Variants in MSL2 observed in about 807,000 individuals in gnomAD.
MSL2 encodes the protein E3 ubiquitin-protein ligase MSL2.
In MSL2, 2 loss-of-function variants were observed where a neutral mutation model predicts 35.8. That is an observed-to-expected ratio of 0.06 (90% confidence interval 0.02 to 0.18). The LOEUF is 0.18. Among genes scored for constraint, MSL2 ranks in the 10% least tolerant of loss-of-function variants. The pLI is 1.00. For synonymous variants in MSL2, 296 were observed against 255.7 expected, an observed-to-expected ratio of 1.16 and a Z score of -1.50; for missense variants, 523 against 706.7, an observed-to-expected ratio of 0.74 and a Z score of 2.95.
chr3:136,154,161 C>T lies in MSL2; in HGVS notation c.143-1423G>A, dbSNP rs373673018. ...CATTAAAACAAAGAAAAAAGGAGTA[C>T]TACTCAACTCAAATTCTTCTAGAAA... is the stretch of plus-strand genomic sequence containing the variant. On this transcript the variant is annotated intron_variant, in intron 1 of 1. Coordinates refer to ENST00000309993, the MANE Select transcript of MSL2 (RefSeq NM_018133.4). Among the ~76,000 whole-genome samples the T allele has an allele frequency of 3.6e-4, 53 of 149,120 alleles. No homozygotes were observed. In the East Asian group the frequency reaches 0.01, roughly 29 times the overall value.
chr3:136,172,886 G>A (rs781156400), intron 1 of MSL2, among the ~76,000 whole-genome samples: 4 of 152,116 alleles, frequency 2.6e-5, no homozygotes, highest in Non-Finnish European at 5.9e-5. Flanking sequence ...CTACGGGGCC[G>A]GGCACAGTGG....
intron 1 of MSL2, among the ~76,000 whole-genome samples, chr3:136,177,639 A>G (rs1940214463): frequency 6.7e-6 from 1 of 148,844 alleles, no homozygotes; most frequent in Non-Finnish European, 1.5e-5. Flanking sequence ...AGATCACGAC[A>G]CTGCACTCCA....
At chr3:136,189,336 G>A (rs6769762) in intron 1 of MSL2, among the ~76,000 whole-genome samples, 25,554 of 142,280 alleles carry the variant, frequency 0.18, 3,023 homozygotes, top group Non-Finnish European at 0.27. Flanking sequence ...TAAGAAAATA[G>A]ATCTGCTATC....
intron 1 of MSL2, among the ~76,000 whole-genome samples, chr3:136,177,618 G>T (rs1204730241): frequency 6.7e-6 from 1 of 148,978 alleles, no homozygotes; most frequent in African/African-American, 2.5e-5. Context: ...GGCAGAGCTC[G>T]CAGTGAGCTG....
intron 1 of MSL2, among the ~76,000 whole-genome samples, chr3:136,190,126 G>A (rs915111355): frequency 6.6e-6 from 1 of 152,100 alleles, no homozygotes; most frequent in Admixed American, 6.6e-5. Context: ...CATGAGGTCT[G>A]TTATAGCTTA....
chr3:136,155,724 C>G, intron 1 of MSL2: 1 of 501,628 alleles, frequency 2.0e-6, no homozygotes, highest in Non-Finnish European at 4.0e-6. Context: ...CCTTTTGTGC[C>G]TGCTTCCCCT....
At chr3:136,172,118 T>G (rs750904481) in intron 1 of MSL2, among the ~76,000 whole-genome samples, 3 of 152,172 alleles carry the variant, frequency 2.0e-5, no homozygotes, top group Non-Finnish European at 4.4e-5. Flanking sequence ...GCCTGTATAT[T>G]GAAATTTTCT....
In MSL2 at chr3:136,195,658, C is replaced by A; in HGVS notation, c.-545G>T. On this transcript the variant is annotated 5_prime_UTR_variant, in exon 1 of 2. Coordinates refer to ENST00000309993, the MANE Select transcript of MSL2 (RefSeq NM_018133.4). ...GGGCAGCGGCTTCCCGGATCTAGTGCAAGACGCCGCGGCGGCGACGAAGGT... is the reference window on the plus strand; with the variant it reads ...GGGCAGCGGCTTCCCGGATCTAGTGAAAGACGCCGCGGCGGCGACGAAGGT... The A allele has an allele frequency of 1.0e-6, 1 of 980,126 alleles. No individual in the cohort carries two copies. Among genetic ancestry groups the A allele is most frequent in the Non-Finnish European group, 1.2e-6 (1 of 824,974 alleles). 60.7% of individuals were successfully genotyped at this position (980,126 alleles called of 1,614,324 possible). A position where few individuals can be genotyped will look rare whatever the true frequency, so the allele number is the denominator to read the frequency against.
intron 1 of MSL2, among the ~76,000 whole-genome samples, chr3:136,187,075 C>G (rs925808924): frequency 1.2e-4 from 19 of 152,124 alleles, no homozygotes; most frequent in Non-Finnish European, 2.8e-4. Context: ...TCCACAAATG[C>G]AGAACCCACA....
At chr3:136,169,770 A>C (rs1054873813) in intron 1 of MSL2, among the ~76,000 whole-genome samples, 2 of 151,892 alleles carry the variant, frequency 1.3e-5, no homozygotes, top group Non-Finnish European at 2.9e-5. Context: ...GTTTTGAAAT[A>C]TACAATAAAT....
At position 136,195,159 on chromosome 3, in the gene MSL2, G is replaced by T; in HGVS notation, c.-46C>A. ...TGGCTCCCGGTTGAAAAGAAATTCC[G>T]GATCCAACTTAGTAAGCAGCCAGGG... On this transcript the variant is annotated 5_prime_UTR_variant, in exon 1 of 2. Coordinates refer to ENST00000309993, the MANE Select transcript of MSL2 (RefSeq NM_018133.4). The T allele has an allele frequency of 6.4e-7, 1 of 1,567,894 alleles. No individual in the cohort carries two copies. The highest frequency in any genetic ancestry group is 8.6e-7 in the Non-Finnish European group (1 of 1,158,912).
At chr3:136,161,672 A>C (rs1044710737) in intron 1 of MSL2, among the ~76,000 whole-genome samples, 1 of 152,220 alleles carries the variant, frequency 6.6e-6, no homozygotes, top group Non-Finnish European at 1.5e-5. Context: ...GCAGAAAAAC[A>C]GTGGTTGCCT....
At chr3:136,177,671 T>C (rs529236940) in intron 1 of MSL2, among the ~76,000 whole-genome samples, 8 of 120,578 alleles carry the variant, frequency 6.6e-5, no homozygotes, top group African/African-American at 2.5e-4. Context: ...AGAGCGAGAC[T>C]CCGTCTCATA....
intron 1 of MSL2, among the ~76,000 whole-genome samples, chr3:136,157,306 A>C (rs1939561550): frequency 6.7e-6 from 1 of 149,210 alleles, no homozygotes; most frequent in African/African-American, 2.4e-5. Flanking sequence ...CAGGAGTTCG[A>C]CACCAGCCTG....
chr3:136,186,177 T>C (rs546661308), intron 1 of MSL2, among the ~76,000 whole-genome samples: 32 of 152,304 alleles, frequency 2.1e-4, no homozygotes, highest in African/African-American at 6.0e-4. Context: ...AAGTGACCTT[T>C]TGACTCCTTC....
intron 1 of MSL2, among the ~76,000 whole-genome samples, chr3:136,183,775 C>G (rs949642990): frequency 1.3e-5 from 2 of 152,140 alleles, no homozygotes; most frequent in African/African-American, 2.4e-5. Flanking sequence ...AAACTGAAAA[C>G]ACATATAGTT....
chr3:136,173,098 G>A (rs185424125), intron 1 of MSL2, among the ~76,000 whole-genome samples: 1 of 152,314 alleles, frequency 6.6e-6, no homozygotes, highest in Admixed American at 6.5e-5. Flanking sequence ...AGAAAGCAGA[G>A]GTTGCAGTGA....
rs1940833388 is a variant in MSL2 at position 136,195,992 on chromosome 3, C to T, written c.-879G>A. 1 of 200,166 alleles carries T rather than the reference C, an allele frequency of 5.0e-6. No homozygotes were observed. The highest frequency in any genetic ancestry group is 8.9e-6 in the Non-Finnish European group (1 of 112,136). The allele number at this position is 200,166 out of a possible 1,614,324, so 12.4% of individuals were successfully genotyped here. A position where few individuals can be genotyped will look rare whatever the true frequency, so the allele number is the denominator to read the frequency against. ...GCCCGGCCATTTTTTCGGCGCCACA[C>T]ACACAGACGACTCCTCCGCCGAGCA... is the stretch of plus-strand genomic sequence containing the variant. On this transcript the variant is annotated 5_prime_UTR_variant, in exon 1 of 2. The change creates a new upstream start codon in the 5' untranslated region. Coordinates refer to ENST00000309993, the MANE Select transcript of MSL2 (RefSeq NM_018133.4).
intron 1 of MSL2, among the ~76,000 whole-genome samples, chr3:136,162,787 A>G (rs1939744582): frequency 6.6e-6 from 1 of 152,236 alleles, no homozygotes; most frequent in Non-Finnish European, 1.5e-5. Flanking sequence ...AATTGGTGGT[A>G]TAACAATCCA....
Sources: gnomAD v4.1 joint callset for allele counts (sites outside exome capture counted in the v4.1 genomes callset) on GRCh38, gnomAD v4.1.1 for gene constraint, MANE v1.5 for transcripts, NCBI Gene and HGNC (gene_info 2026-07-23, HGNC 2026-07-21) for gene names.